The following FER variants were observed in gnomAD, a reference collection of about 807,000 sequenced individuals.
FER encodes the protein tyrosine-protein kinase Fer.
Under a neutral mutation model 111.0 loss-of-function variants are expected in FER, and 63 were observed. That is an observed-to-expected ratio of 0.57 (90% CI 0.46 to 0.70). The LOEUF (loss-of-function observed/expected upper bound fraction) is 0.70, where lower values mean the gene tolerates loss of function less well. FER is among the 30% of genes least tolerant of loss of function. The pLI is 0.00. For missense variants in FER, 914 were observed against 954.0 expected (o/e 0.96, Z 0.55); for synonymous variants, 327 against 313.9 (o/e 1.04, Z -0.44).
chr5:108,777,416 C>G (rs919422320), intron 2 of FER, among the ~76,000 whole-genome samples: 2 of 152,078 alleles, frequency 1.3e-5, no homozygotes, highest in Non-Finnish European at 2.9e-5. Flanking sequence ...ATTGATGAAC[C>G]TACACTGATA....
At chr5:108,914,235 G>C (rs867027153) in intron 10 of FER, among the ~76,000 whole-genome samples, 2,483 of 134,762 alleles carry the variant, frequency 0.018, 76 homozygotes, top group African/African-American at 0.071. Context: ...GTCTCTCTGT[G>C]TGTGTGTGTG....
intron 10 of FER, among the ~76,000 whole-genome samples, chr5:108,915,624 C>T (rs1254268863): frequency 2.0e-5 from 3 of 148,466 alleles, no homozygotes; most frequent in East Asian, 2.0e-4. Context: ...ATTACTCTGT[C>T]CTAATTAAAA....
chr5:108,914,825 A>T (rs572590357), intron 10 of FER, among the ~76,000 whole-genome samples: 30 of 152,348 alleles, frequency 2.0e-4, no homozygotes, highest in Middle Eastern at 3.4e-3. Context: ...TTTCAAAAGT[A>T]ATTTAGGTTA....
intron 17 of FER, among the ~76,000 whole-genome samples, chr5:109,121,303 A>C (rs552904497): frequency 1.8e-3 from 274 of 152,266 alleles, no homozygotes; most frequent in African/African-American, 6.4e-3. Context: ...TTTATCATGA[A>C]AACATGTTGA....
chr5:108,955,766 T>C (rs956335285), intron 12 of FER, among the ~76,000 whole-genome samples: 4 of 151,914 alleles, frequency 2.6e-5, no homozygotes, highest in Admixed American at 6.6e-5. Context: ...CTTACAGAAA[T>C]TGAACCATGA....
chr5:108,924,845 A>G, intron 10 of FER: 6 of 1,180,594 alleles, frequency 5.1e-6, no homozygotes, highest in Non-Finnish European at 6.4e-6. Context: ...ACATTATCTA[A>G]GAGTCCAGCA....
At chr5:108,838,871 A>G (rs995717055) in intron 5 of FER, among the ~76,000 whole-genome samples, 3 of 152,186 alleles carry the variant, frequency 2.0e-5, no homozygotes, top group African/African-American at 2.4e-5. Context: ...GAGCACATGT[A>G]TATTGCATTT....
Position 108,849,502 on chromosome 5 carries a change from T to C in FER, c.481+13695T>C, listed in dbSNP as rs1297986723. On this transcript the variant is annotated intron_variant, in intron 5 of 19. Transcript: ENST00000281092. ...TGTTTTGTTTTGTTGTTGTTGTTGTTATCTCAGGCAGTATAGGTTTTGCCT... is the reference window on the plus strand; with the variant it reads ...TGTTTTGTTTTGTTGTTGTTGTTGTCATCTCAGGCAGTATAGGTTTTGCCT... Among the ~76,000 whole-genome samples, 3 of 152,100 alleles carry C rather than the reference T, an allele frequency of 2.0e-5. No homozygotes were observed. In the East Asian group the frequency reaches 5.8e-4, roughly 29 times the overall value.
chr5:109,123,304 C>T (rs1386014674), intron 17 of FER, among the ~76,000 whole-genome samples: 3 of 151,894 alleles, frequency 2.0e-5, no homozygotes, highest in East Asian at 3.9e-4. Flanking sequence ...TACAGGCACC[C>T]GCCACCGTGC....
chr5:108,924,683 C>T, intron 10 of FER: 28 of 1,232,014 alleles, frequency 2.3e-5, no homozygotes, highest in Non-Finnish European at 2.7e-5. Context: ...ATGAAATGTC[C>T]TCATTGTAAG....
chr5:109,113,781 AG>A (rs1749909552), intron 17 of FER, among the ~76,000 whole-genome samples: 1 of 152,284 alleles, frequency 6.6e-6, no homozygotes, highest in Non-Finnish European at 1.5e-5. Flanking sequence ...TGCAGCACAA[AG>A]TATGTTTTAC....
chr5:109,004,123 C>G (rs894719613), intron 13 of FER, among the ~76,000 whole-genome samples: 1 of 152,154 alleles, frequency 6.6e-6, no homozygotes, highest in Admixed American at 6.5e-5. Context: ...ATGTAAATCC[C>G]TACAACTTTT....
intron 17 of FER, among the ~76,000 whole-genome samples, chr5:109,133,578 A>G (rs1184443631): frequency 1.3e-5 from 2 of 152,168 alleles, no homozygotes; most frequent in Non-Finnish European, 2.9e-5. Context: ...AAGGTTTTAA[A>G]AACAGTTACC....
At chr5:108,869,207 G>T (rs906541210) in intron 6 of FER, among the ~76,000 whole-genome samples, 8 of 152,112 alleles carry the variant, frequency 5.3e-5, no homozygotes, top group African/African-American at 1.9e-4. Flanking sequence ...ATGTGCATTT[G>T]CTTACTTGTT....
chr5:108,866,354 G>T (rs1022730566), intron 5 of FER, among the ~76,000 whole-genome samples: 3 of 152,156 alleles, frequency 2.0e-5, no homozygotes, highest in South Asian at 2.1e-4. Context: ...TAAACACCGC[G>T]TGTTCTCACC....
rs1369927418 is a variant in FER, at chr5:108,970,155, A to G, written c.1656+10808A>G. ...CGTAACTAAAACAAGTTTTCCAAAC[A>G]CTGTTTTATGCTTCCTAAATGAGCT... On this transcript the variant is annotated intron_variant, in intron 13 of 19. Transcript: ENST00000281092. Among the ~76,000 whole-genome samples, 5 of 148,298 alleles carry G rather than the reference A, an allele frequency of 3.4e-5. 1 individual carries two copies. The highest frequency in any genetic ancestry group is 1.3e-4 in the African/African-American group (5 of 37,740).
At chr5:109,014,761 G>A (rs1200520928) in intron 13 of FER, 2 of 152,112 alleles carry the variant, frequency 1.3e-5, no homozygotes, top group Admixed American at 6.6e-5. Context: ...ATTTCATTGA[G>A]CAGTGGTTTG....
chr5:108,770,106 G>T (rs1752733967), intron 2 of FER, among the ~76,000 whole-genome samples: 1 of 152,090 alleles, frequency 6.6e-6, no homozygotes, highest in Admixed American at 6.5e-5. Flanking sequence ...GTGCCACCAT[G>T]CCCGGCTAAT....
chr5:108,856,573 G>A (rs1763028951), intron 5 of FER, among the ~76,000 whole-genome samples: 1 of 152,108 alleles, frequency 6.6e-6, no homozygotes, highest in African/African-American at 2.4e-5. Flanking sequence ...CTAACATGAT[G>A]ACTATTTGGT....
Sources: allele counts gnomAD v4.1 joint callset (sites outside exome capture counted in the v4.1 genomes callset), GRCh38; gene constraint gnomAD v4.1.1; transcripts MANE v1.5; gene names NCBI Gene and HGNC (gene_info 2026-07-23, HGNC 2026-07-21).